Variants in EP400 observed in about 807,000 individuals in gnomAD.
EP400 encodes E1A-binding protein p400.
Under a neutral mutation model 354.1 loss-of-function variants are expected in EP400, and 105 were observed. That is an observed-to-expected ratio of 0.30 (90% CI 0.25 to 0.35). The LOEUF (loss-of-function observed/expected upper bound fraction) is 0.35. Among genes scored for constraint, EP400 ranks in the 10% least tolerant of loss-of-function variants. EP400 has a pLI of 1.00. For missense variants in EP400, 3,280 were observed against 4,121.0 expected (o/e 0.80, Z 5.59); for synonymous variants, 1,646 against 1,716.9 (o/e 0.96, Z 1.02).
intron 2 of EP400, 68 bp downstream of exon 2, chr12:131,962,022 T>A: frequency 6.7e-7 from 1 of 1,491,908 alleles, no homozygotes. Context: ...CGACAATGAA[T>A]TAAGTAATAA....
intron 16 of EP400, among the ~76,000 whole-genome samples, chr12:132,012,103 G>A (rs1334715513): frequency 1.3e-5 from 2 of 152,196 alleles, no homozygotes; most frequent in Admixed American, 6.5e-5. Flanking sequence ...ATAGTTTCTA[G>A]TACTAGGTCA....
At chr12:131,983,728 G>A (rs1184742735) in intron 5 of EP400, among the ~76,000 whole-genome samples, 1 of 152,164 alleles carries the variant, frequency 6.6e-6, no homozygotes, top group Admixed American at 6.5e-5. Flanking sequence ...CACCCAGGCT[G>A]GAATGCAGTG....
chr12:132,066,733 C>T (rs371959525), intron 48 of EP400, 41 bp from the exon 49 acceptor site: 1 of 1,579,248 alleles, frequency 6.3e-7, no homozygotes, highest in African/African-American at 1.4e-5. Flanking sequence ...CATACCGTGT[C>T]CTGAATTTCT....
intron 1 of EP400, among the ~76,000 whole-genome samples, chr12:131,956,841 T>C (rs941481617): frequency 1.3e-5 from 2 of 151,890 alleles, no homozygotes; most frequent in African/African-American, 2.4e-5. Context: ...AAGTACATGC[T>C]TTTCTCCTTT....
At position 131,994,625 on chromosome 12, in the gene EP400, G is replaced by A. The variant is rs1437750282; in HGVS notation, c.2738-242G>A. On this transcript the variant is annotated intron_variant, in intron 11 of 52. Transcript: ENST00000389561. This position sits in a 1 kb window ranked among gnomAD's most constrained non-coding sequence, Gnocchi z 4.6. Reference sequence around the variant, plus strand: ...AGGGTTGACAGCATTCCGTATGTTGGCCTGAAGAAGGTCTGCCATGTGTGG... The same window carrying A: ...AGGGTTGACAGCATTCCGTATGTTGACCTGAAGAAGGTCTGCCATGTGTGG... Among the ~76,000 whole-genome samples, 2 of 152,176 alleles carry A rather than the reference G, an allele frequency of 1.3e-5. No homozygotes were observed. The highest frequency in any genetic ancestry group is 1.5e-5 in the Non-Finnish European group (1 of 68,038).
At chr12:132,066,518 T>C (rs942317095) in intron 48 of EP400, 1 of 468,354 alleles carries the variant, frequency 2.1e-6, no homozygotes, top group Non-Finnish European at 3.7e-6. Context: ...TCCCGTGAGA[T>C]CACTGACATC....
At chr12:131,976,481 A>G (rs1258667216) in intron 2 of EP400, among the ~76,000 whole-genome samples, 1 of 152,192 alleles carries the variant, frequency 6.6e-6, no homozygotes, top group East Asian at 1.9e-4. Context: ...TGGGAGGCTG[A>G]GGCGGGTGGA....
At chr12:132,003,318 A>G (rs919076760) in intron 12 of EP400, among the ~76,000 whole-genome samples, 3 of 152,186 alleles carry the variant, frequency 2.0e-5, no homozygotes, top group African/African-American at 7.2e-5. Flanking sequence ...TTCACATTGT[A>G]TTAGGTATTA....
chr12:131,963,630 G>T, intron 2 of EP400: 1 of 1,598,004 alleles, frequency 6.3e-7, no homozygotes, highest in Non-Finnish European at 8.5e-7. Context: ...CATCCCAGCA[G>T]CAACCATTTC....
intron 41 of EP400, among the ~76,000 whole-genome samples, chr12:132,051,712 CAG>C (rs1357454095): frequency 6.6e-6 from 1 of 152,190 alleles, no homozygotes; most frequent in Non-Finnish European, 1.5e-5. Context: ...CACAGCATCA[CAG>C]GGAGACGGTT....
At chr12:131,952,302 CAAAAAAAA>C (rs927214848) in intron 1 of EP400, among the ~76,000 whole-genome samples, 2 of 47,044 alleles carry the variant, frequency 4.3e-5, no homozygotes, top group African/African-American at 6.7e-5. Context: ...GACTCTGTCT[CAAAAAAAA>C]AAAAAAAAAA....
intron 5 of EP400, among the ~76,000 whole-genome samples, chr12:131,985,588 G>A (rs533497347): frequency 2.0e-5 from 3 of 152,306 alleles, no homozygotes; most frequent in East Asian, 1.9e-4. Flanking sequence ...TAAGTCTGTC[G>A]TTGAGGTGGT....
chr12:132,080,455 T>A lies in EP400; in HGVS notation c.*2782T>A, dbSNP rs1324368283. On this transcript the variant is annotated 3_prime_UTR_variant, in exon 53 of 53. Transcript: ENST00000389561. Reference sequence around the variant, plus strand: ...AAAAGGCAAAATAAAGTGACCTTTTTATATATTTTTTCATTTTGTCTTTCA... The same window carrying A: ...AAAAGGCAAAATAAAGTGACCTTTTAATATATTTTTTCATTTTGTCTTTCA... 2 of 152,664 alleles carry A rather than the reference T, an allele frequency of 1.3e-5. No individual in the cohort carries two copies. Among genetic ancestry groups the A allele is most frequent in the Non-Finnish European group, 2.9e-5 (2 of 68,042 alleles). 9.5% of individuals were successfully genotyped at this position (152,664 alleles called of 1,614,324 possible).
At chr12:132,035,796 G>A (rs947856620) in intron 30 of EP400, among the ~76,000 whole-genome samples, 1 of 148,322 alleles carries the variant, frequency 6.7e-6, no homozygotes, top group Non-Finnish European at 1.5e-5. Context: ...CGTCGTGGAA[G>A]GACATACCCA....
intron 47 of EP400, among the ~76,000 whole-genome samples, chr12:132,063,234 C>T (rs1259101762): frequency 1.3e-5 from 2 of 152,290 alleles, no homozygotes; most frequent in Admixed American, 1.3e-4. Context: ...AATGTTGGGC[C>T]GGACACAGTG....
rs769398887 is a variant in EP400, at chr12:132,013,092, G to A, written c.3525G>A (p.Val1175=). Residue 1175 remains valine (V), a synonymous_variant, in exon 17 of 53, where the codon GTG becomes GTA. Coordinates refer to ENST00000389561, the MANE Select transcript of EP400 (RefSeq NM_015409.5). This position sits in a 1 kb window ranked among gnomAD's most constrained non-coding sequence, Gnocchi z 4.5. The part of the protein sequence containing the change: ...FFRGLTAFTR[V]RWKCLVIDEM... ...GGGGCCTCACCGCCTTCACACGAGT[G>A]CGCTGGAAGTGCCTGGTCATTGATG... The A allele has an allele frequency of 2.5e-6, 4 of 1,614,156 alleles. No individual in the cohort carries two copies. The highest frequency in any genetic ancestry group is 1.7e-5 in the Admixed American group (1 of 60,026).
intron 1 of EP400, among the ~76,000 whole-genome samples, chr12:131,951,065 A>ATTTTTTTTTTTTT (rs750396319): frequency 1.5e-3 from 152 of 104,162 alleles, no homozygotes; most frequent in East Asian, 1.8e-3. Context: ...ACGCCTGGCT[A>ATTTTTTTTTTTTT]TTTTTTTTTT....
chr12:132,071,090 C>G (rs910190238), intron 51 of EP400, among the ~76,000 whole-genome samples: 2 of 152,148 alleles, frequency 1.3e-5, no homozygotes, highest in Admixed American at 1.3e-4. Flanking sequence ...TGTCAGAGTC[C>G]GTATTTCACT....
chr12:132,031,909 A>G, intron 29 of EP400, 44 bp from the exon 30 acceptor site: 4 of 1,555,394 alleles, frequency 2.6e-6, no homozygotes, highest in African/African-American at 2.7e-5. Context: ...AGGTTTCCCA[A>G]CATTTTCCAA....
Sources: allele counts gnomAD v4.1 joint callset (sites outside exome capture counted in the v4.1 genomes callset), GRCh38; gene constraint gnomAD v4.1.1; non-coding constraint Gnocchi (gnomAD v3.1); transcripts MANE v1.5; gene names NCBI Gene and HGNC (gene_info 2026-07-23, HGNC 2026-07-21).